The following IQGAP2 variants were observed in gnomAD, a reference collection of about 807,000 sequenced individuals.
The protein encoded by IQGAP2 is ras GTPase-activating-like protein IQGAP2.
Under a neutral mutation model 201.3 loss-of-function variants are expected in IQGAP2, and 173 were observed. That is an observed-to-expected ratio of 0.86 (90% CI 0.76 to 0.98). The LOEUF is 0.98. Among genes scored for constraint, IQGAP2 ranks in the 50% least tolerant of loss-of-function variants. The pLI is 0.00. For missense variants in IQGAP2, 1,687 were observed against 1,864.8 expected (o/e 0.90, Z 1.76); for synonymous variants, 675 against 673.9 (o/e 1.00, Z -0.03).
chr5:76,652,729 A>G, intron 17 of IQGAP2, 21 bp from the exon 18 acceptor site: 1 of 1,539,900 alleles, frequency 6.5e-7, no homozygotes. Flanking sequence ...AAATAATTCT[A>G]TAACCCACTC....
At chr5:76,530,013 T>C (rs990654890) in intron 2 of IQGAP2, among the ~76,000 whole-genome samples, 3 of 152,264 alleles carry the variant, frequency 2.0e-5, no homozygotes, top group East Asian at 3.9e-4. Context: ...GGTTGTGTAA[T>C]GCAAATAGGA....
chr5:76,678,939 A>G (rs1405576526), intron 28 of IQGAP2, among the ~76,000 whole-genome samples: 1 of 152,212 alleles, frequency 6.6e-6, no homozygotes, highest in Non-Finnish European at 1.5e-5. Flanking sequence ...CAAGCTCTCA[A>G]TACATACTGA....
chr5:76,632,635 C>G (rs1750804232), intron 15 of IQGAP2, among the ~76,000 whole-genome samples: 2 of 152,112 alleles, frequency 1.3e-5, no homozygotes, highest in Admixed American at 1.3e-4. Context: ...AATTTTTATT[C>G]CAGAATTCCT....
chr5:76,602,892 G>T (rs1023630741), intron 11 of IQGAP2, among the ~76,000 whole-genome samples: 14 of 152,156 alleles, frequency 9.2e-5, no homozygotes, highest in African/African-American at 2.9e-4. Context: ...CCTGTTCACC[G>T]TGGCTTCTAC....
At chr5:76,591,897 G>T (rs1580539479) in intron 8 of IQGAP2, among the ~76,000 whole-genome samples, 1 of 152,188 alleles carries the variant, frequency 6.6e-6, no homozygotes, top group Middle Eastern at 3.4e-3. Context: ...GACTTCCCTG[G>T]TTCAGAATGA....
rs570773195 is a variant in IQGAP2 at position 76,486,649 on chromosome 5, A to G, written c.146+24980A>G. ...TGCCAATTCAGTGATTTTTTTTTTAAAAAAGGATTTCTTTAATAAAATGAA... is the reference window on the plus strand; with the variant it reads ...TGCCAATTCAGTGATTTTTTTTTTAGAAAAGGATTTCTTTAATAAAATGAA... On this transcript the variant is annotated intron_variant, in intron 2 of 35. Transcript: ENST00000274364. Among the ~76,000 whole-genome samples, 352 of 152,194 alleles carry G rather than the reference A, an allele frequency of 2.3e-3. 1 individual carries two copies. The highest frequency in any genetic ancestry group is 8.3e-3 in the African/African-American group (343 of 41,526).
chr5:76,496,720 CTTTCTTTT>C lies in IQGAP2; in HGVS notation c.146+35052_146+35059del, dbSNP rs1206353327. ...TTTCTGTCTCTTTCTTTCTTTCTTT[CTTTCTTTT>C]CTTTCTTTCTTTCTTTCTTTCTTTC... On this transcript the variant is annotated intron_variant, in intron 2 of 35. Coordinates refer to ENST00000274364, the MANE Select transcript of IQGAP2 (RefSeq NM_006633.5). Among the ~76,000 whole-genome samples the C allele has an allele frequency of 3.4e-3, 61 of 17,844 alleles. 5 individuals are homozygous for C. Among genetic ancestry groups the C allele is most frequent in the African/African-American group, 0.015 (59 of 3,870 alleles). The allele number at this position is 17,844 out of a possible 152,430, so 11.7% of individuals were successfully genotyped here. A position where few individuals can be genotyped will look rare whatever the true frequency, so the allele number is the denominator to read the frequency against.
intron 5 of IQGAP2, among the ~76,000 whole-genome samples, chr5:76,586,906 G>A (rs1212130478): frequency 6.6e-6 from 1 of 152,202 alleles, no homozygotes; most frequent in Non-Finnish European, 1.5e-5. Context: ...AGCCTTCCTG[G>A]CTTGTAAGCC....
At chr5:76,621,982 C>A (rs1255075979) in intron 13 of IQGAP2, among the ~76,000 whole-genome samples, 1 of 152,112 alleles carries the variant, frequency 6.6e-6, no homozygotes, top group Non-Finnish European at 1.5e-5. Flanking sequence ...CCTTCCTCAT[C>A]CCTCTTTTCC....
At chr5:76,461,458 T>C (rs1754451744) in intron 1 of IQGAP2, 112 bp from the exon 2 acceptor site, 2 of 625,652 alleles carry the variant, frequency 3.2e-6, no homozygotes, top group South Asian at 2.2e-5. Context: ...TCAATACTCC[T>C]GTCTCTGAAT....
intron 2 of IQGAP2, among the ~76,000 whole-genome samples, chr5:76,535,481 T>A (rs1019416943): frequency 6.6e-6 from 1 of 152,162 alleles, no homozygotes; most frequent in Non-Finnish European, 1.5e-5. Flanking sequence ...CACTGCCAAA[T>A]GAAACCGTGG....
chr5:76,464,402 T>C (rs921831952), intron 2 of IQGAP2, among the ~76,000 whole-genome samples: 1 of 152,266 alleles, frequency 6.6e-6, no homozygotes, highest in Non-Finnish European at 1.5e-5. Flanking sequence ...AATGCACATA[T>C]GTGTGTTCAC....
At chr5:76,554,653 CA>C (rs1177038961) in intron 2 of IQGAP2, among the ~76,000 whole-genome samples, 1 of 152,116 alleles carries the variant, frequency 6.6e-6, no homozygotes, top group African/African-American at 2.4e-5. Context: ...ATCAAAAAGA[CA>C]GAAGAATATT....
chr5:76,555,438 C>T (rs926800211), intron 2 of IQGAP2, among the ~76,000 whole-genome samples: 10 of 152,192 alleles, frequency 6.6e-5, no homozygotes, highest in Non-Finnish European at 4.4e-5. Flanking sequence ...GTGCATATAG[C>T]TGGTGATCAC....
At chr5:76,562,118 A>G (rs1011475072) in intron 2 of IQGAP2, among the ~76,000 whole-genome samples, 2 of 152,200 alleles carry the variant, frequency 1.3e-5, no homozygotes, top group Non-Finnish European at 2.9e-5. Context: ...CTTCTTTGGC[A>G]CAAAAGAGAC....
At chr5:76,511,720 G>A (rs1288380761) in intron 2 of IQGAP2, among the ~76,000 whole-genome samples, 2 of 147,200 alleles carry the variant, frequency 1.4e-5, no homozygotes, top group African/African-American at 2.5e-5. Context: ...TCGCTCTGTC[G>A]CCCAGGCTGG....
chr5:76,468,000 T>C (rs1346209968), intron 2 of IQGAP2, among the ~76,000 whole-genome samples: 1 of 152,160 alleles, frequency 6.6e-6, no homozygotes, highest in Non-Finnish European at 1.5e-5. Context: ...GGATTTCTTT[T>C]TGGGCTGATA....
chr5:76,403,727 T>C lies in IQGAP2; in HGVS notation c.46+136T>C. On this transcript the variant is annotated intron_variant, in intron 1 of 35. Coordinates refer to ENST00000274364, the MANE Select transcript of IQGAP2 (RefSeq NM_006633.5). The surrounding 1 kb of genome is among the most constrained non-coding windows in gnomAD (Gnocchi z 4.8). ...GGCAGCAACTGCGCGGCTGGCAAAG[T>C]TGGGAGCTGGAGTTGCAAAGGGCAG... The C allele has an allele frequency of 1.5e-6, 1 of 662,286 alleles. No homozygotes were observed. Among genetic ancestry groups the C allele is most frequent in the South Asian group, 2.6e-5 (1 of 38,556 alleles). The allele number at this position is 662,286 out of a possible 1,614,324, so 41.0% of individuals were successfully genotyped here. A position where few individuals can be genotyped will look rare whatever the true frequency, so the allele number is the denominator to read the frequency against.
intron 1 of IQGAP2, among the ~76,000 whole-genome samples, chr5:76,431,202 A>T (rs968016314): frequency 6.6e-6 from 1 of 152,050 alleles, no homozygotes; most frequent in African/African-American, 2.4e-5. Flanking sequence ...CTCACTCTAT[A>T]GTTCTATGCT....
Sources: gnomAD v4.1 joint callset for allele counts (sites outside exome capture counted in the v4.1 genomes callset) on GRCh38, gnomAD v4.1.1 for gene constraint, Gnocchi (gnomAD v3.1) non-coding constraint, MANE v1.5 for transcripts, NCBI Gene and HGNC (gene_info 2026-07-23, HGNC 2026-07-21) for gene names.